Variants in KIAA1328 observed in about 807,000 individuals in gnomAD.
KIAA1328 encodes the protein protein hinderin.
In KIAA1328, 52 loss-of-function variants were observed where a neutral mutation model predicts 68.1. The observed-to-expected ratio is 0.76, with a 90% CI of 0.61 to 0.96. The LOEUF is 0.96. Ranked by LOEUF, KIAA1328 falls within the 40% of genes least tolerant of loss-of-function variation. The pLI, the probability that KIAA1328 is intolerant of heterozygous loss-of-function variation, is 0.00. For missense variants in KIAA1328, 641 were observed against 677.6 expected (o/e 0.95, Z 0.60); for synonymous variants, 232 against 239.4 (o/e 0.97, Z 0.28).
chr18:37,196,611 C>T (rs2060007622), intron 9 of KIAA1328, among the ~76,000 whole-genome samples: 1 of 152,020 alleles, frequency 6.6e-6, no homozygotes, highest in Admixed American at 6.5e-5. Flanking sequence ...TATGTTGAAC[C>T]ATCCTTGCAC....
At chr18:37,137,936 A>G (rs183230185) in intron 7 of KIAA1328, among the ~76,000 whole-genome samples, 4 of 152,074 alleles carry the variant, frequency 2.6e-5, no homozygotes, top group Admixed American at 6.6e-5. Flanking sequence ...CTCAAATTCA[A>G]CATCTCCAGA....
At chr18:37,198,437 A>G (rs1354963336) in intron 9 of KIAA1328, among the ~76,000 whole-genome samples, 1 of 152,186 alleles carries the variant, frequency 6.6e-6, no homozygotes, top group African/African-American at 2.4e-5. Context: ...TAAAAAATCT[A>G]TTGGATTTAG....
At position 37,224,275 on chromosome 18, in the gene KIAA1328, A is replaced by G. The variant is rs1388823449; in HGVS notation, c.*2048A>G. The G allele has an allele frequency of 5.1e-6, 5 of 985,310 alleles. No homozygotes were observed. In the African/African-American group the frequency reaches 8.7e-5, roughly 17 times the overall value. The allele number at this position is 985,310 out of a possible 1,614,324, so 61.0% of individuals were successfully genotyped here. On this transcript the variant is annotated 3_prime_UTR_variant, in exon 10 of 10. Coordinates refer to ENST00000280020, the MANE Select transcript of KIAA1328 (RefSeq NM_020776.3). ...TCAAGAAAAGGATCACAGTTTCTTG[A>G]AGAAGCTTGTTTGCCTTTAGAAGAA...
chr18:37,051,586 C>CTATCAAAGAAAACCCTGTAGCTG (rs1412197202), intron 6 of KIAA1328, among the ~76,000 whole-genome samples: 1 of 152,150 alleles, frequency 6.6e-6, no homozygotes. Context: ...AAACCCTGTA[C>CTATCAAAGAAAACCCTGTAGCTG]TAGATGGGTT....
chr18:37,144,416 T>C (rs575660412), intron 7 of KIAA1328, among the ~76,000 whole-genome samples: 19 of 152,200 alleles, frequency 1.2e-4, no homozygotes, highest in African/African-American at 4.6e-4. Context: ...GTTTCCTTCC[T>C]TCTCCTTACC....
intron 6 of KIAA1328, among the ~76,000 whole-genome samples, chr18:37,042,098 G>A (rs1452652094): frequency 5.3e-5 from 8 of 151,900 alleles, no homozygotes; most frequent in Admixed American, 1.3e-4. Context: ...GGTTTTCACC[G>A]TGTTGCCCAG....
rs765224078 is a variant in KIAA1328, at chr18:37,067,064, AC to A, written c.754del (p.Leu252PhefsTer8). The A allele has an allele frequency of 6.2e-7, 1 of 1,613,956 alleles. No homozygotes were observed. ...AFRNNSLKPV[T>X]LHHPKDDLDK... ...TAGGAATAATTCTTTGAAACCAGTA[AC>A]CCTTCATCATCCCAAAGATGATCTA... On this transcript the variant is annotated frameshift_variant, in exon 7 of 10. Coordinates refer to ENST00000280020, the MANE Select transcript of KIAA1328 (RefSeq NM_020776.3). LOFTEE classifies it high-confidence loss of function.
chr18:36,946,151 C>A lies in KIAA1328; in HGVS notation c.449-13157C>A, dbSNP rs1230192581. The A allele has an allele frequency of 5.9e-5, 9 of 152,120 alleles. 1 individual carries two copies. Among genetic ancestry groups the A allele is most frequent in the Admixed American group, 5.9e-4 (9 of 15,270 alleles). The allele number at this position is 152,120 out of a possible 1,614,324, so 9.4% of individuals were successfully genotyped here. A position where few individuals can be genotyped will look rare whatever the true frequency, so the allele number is the denominator to read the frequency against. ...GCCAAAATAGAAATGTTACACTGCC[C>A]TAAAAATTCAGAATGCTGCTTCCTT... On this transcript the variant is annotated intron_variant, in intron 5 of 9. Transcript: ENST00000280020.
intron 5 of KIAA1328, among the ~76,000 whole-genome samples, chr18:36,929,240 G>T (rs533107371): frequency 7.9e-5 from 12 of 151,906 alleles, no homozygotes; most frequent in Admixed American, 2.0e-4. Context: ...CCTGTACCCC[G>T]GCTTTTGTTT....
At chr18:37,056,355 AATTT>A (rs1296334931) in intron 6 of KIAA1328, among the ~76,000 whole-genome samples, 3 of 152,120 alleles carry the variant, frequency 2.0e-5, no homozygotes, top group African/African-American at 7.2e-5. Context: ...CTAACTCAGA[AATTT>A]ATTTATCTTC....
intron 7 of KIAA1328, among the ~76,000 whole-genome samples, chr18:37,155,254 C>T (rs1011644352): frequency 9.2e-5 from 14 of 152,152 alleles, no homozygotes; most frequent in African/African-American, 3.4e-4. Flanking sequence ...CTCAACTCTG[C>T]CTCCCTCAAC....
At chr18:37,141,977 T>C (rs323326) in intron 7 of KIAA1328, among the ~76,000 whole-genome samples, 40,515 of 152,118 alleles carry the variant, frequency 0.27, 8,485 homozygotes, top group African/African-American at 0.59. Flanking sequence ...GTATTGTGAA[T>C]ATTTTCTCCC....
At chr18:37,058,469 T>G (rs1040309408) in intron 6 of KIAA1328, among the ~76,000 whole-genome samples, 1 of 152,118 alleles carries the variant, frequency 6.6e-6, no homozygotes, top group Admixed American at 6.5e-5. Flanking sequence ...TCCTAGCACT[T>G]TGGGAGGCCA....
intron 8 of KIAA1328, among the ~76,000 whole-genome samples, chr18:37,167,900 G>C (rs1407603038): frequency 6.6e-6 from 1 of 151,424 alleles, no homozygotes; most frequent in East Asian, 2.0e-4. Context: ...ATCAAAGCCA[G>C]AGACAGATGT....
intron 5 of KIAA1328, among the ~76,000 whole-genome samples, chr18:36,909,654 A>G (rs1046370191): frequency 6.6e-6 from 1 of 152,186 alleles, no homozygotes; most frequent in Non-Finnish European, 1.5e-5. Flanking sequence ...ATACCCAGTA[A>G]TGGGTTGGCA....
chr18:37,032,943 A>T (rs561243315), intron 6 of KIAA1328, among the ~76,000 whole-genome samples: 1 of 152,104 alleles, frequency 6.6e-6, no homozygotes, highest in African/African-American at 2.4e-5. Flanking sequence ...GCCCAGCTGC[A>T]TGTTTTTTAA....
intron 5 of KIAA1328, 30 bp from the exon 6 acceptor site, chr18:36,959,278 C>T: frequency 2.6e-6 from 4 of 1,535,486 alleles, no homozygotes; most frequent in Non-Finnish European, 3.5e-6. Context: ...ATCAATTTTT[C>T]AGTTTTTTTC....
At chr18:37,209,148 A>G (rs969166768) in intron 9 of KIAA1328, among the ~76,000 whole-genome samples, 1 of 152,246 alleles carries the variant, frequency 6.6e-6, no homozygotes, top group East Asian at 1.9e-4. Context: ...ATTTGCACAC[A>G]TCATATGTGT....
intron 7 of KIAA1328, among the ~76,000 whole-genome samples, chr18:37,082,649 A>G (rs2056986980): frequency 6.6e-6 from 1 of 152,218 alleles, no homozygotes; most frequent in Non-Finnish European, 1.5e-5. Flanking sequence ...GTCATTTTAG[A>G]ATAAATTTGG....
Sources: allele counts gnomAD v4.1 joint callset (sites outside exome capture counted in the v4.1 genomes callset), GRCh38; gene constraint gnomAD v4.1.1; transcripts MANE v1.5; gene names NCBI Gene and HGNC (gene_info 2026-07-23, HGNC 2026-07-21).